The following PTPRG variants were observed in gnomAD, a reference collection of about 807,000 sequenced individuals.
The protein encoded by PTPRG is protein tyrosine phosphatase receptor type G.
Under a neutral mutation model 165.3 loss-of-function variants are expected in PTPRG, and 102 were observed. The ratio of observed to expected loss-of-function variants is 0.62; its 90% CI spans 0.53 to 0.73. The LOEUF is 0.73. Ranked by LOEUF, PTPRG falls within the 30% of genes least tolerant of loss-of-function variation. The pLI, the probability that PTPRG is intolerant of heterozygous loss-of-function variation, is 0.00. For synonymous variants in PTPRG, 675 were observed against 669.5 expected (o/e 1.01, Z -0.13); for missense variants, 1,866 against 1,861.4 (o/e 1.00, Z -0.05).
At chr3:62,124,945 C>T (rs940570304) in intron 5 of PTPRG, among the ~76,000 whole-genome samples, 4 of 152,096 alleles carry the variant, frequency 2.6e-5, no homozygotes, top group African/African-American at 9.7e-5. Context: ...AAGGTGATTA[C>T]ATAAGGGTCT....
At position 62,267,467 on chromosome 3, in the gene PTPRG, A is replaced by T; in HGVS notation, c.2714A>T (p.Asp905Val). Residue 905 changes from aspartate (D) to valine (V), a missense_variant, in exon 18 of 30, where the codon GAC becomes GTC. By Grantham distance (152) the Asp-to-Val change is radical (BLOSUM62 -3). This residue lies in a region of PTPRG where 1,452 missense variants were observed against 1,463.0 expected (regional missense o/e 0.99). Transcript: ENST00000474889. The stretch of plus-strand genomic sequence containing the variant: ...CCAGGAAAAGACTCTAAGCACAGCG[A>T]CTACATTAATGCAAACTATGTTGAT... Reference protein sequence around the residue: ...PLPGKDSKHSDYINANYVDGY... With the variant: ...PLPGKDSKHSVYINANYVDGY... The T allele has an allele frequency of 2.5e-6, 4 of 1,612,068 alleles. No individual in the cohort carries two copies. The highest frequency in any genetic ancestry group is 3.4e-6 in the Non-Finnish European group (4 of 1,178,358).
chr3:62,040,013 A>T (rs1444994876), intron 4 of PTPRG, among the ~76,000 whole-genome samples: 4 of 152,224 alleles, frequency 2.6e-5, no homozygotes, highest in African/African-American at 9.6e-5. Context: ...TTCAGTGTTA[A>T]GTATTTTTTA....
Position 61,624,217 on chromosome 3 carries a change from C to G in PTPRG, c.85+61845C>G, listed in dbSNP as rs554000602. ...GACTCTACCACTTAATAGCTGCGAACCGGAGCAAGCTTTTAACTTCCCTGG... is the reference window on the plus strand; with the variant it reads ...GACTCTACCACTTAATAGCTGCGAAGCGGAGCAAGCTTTTAACTTCCCTGG... On this transcript the variant is annotated intron_variant, in intron 1 of 29. Coordinates refer to ENST00000474889, the MANE Select transcript of PTPRG (RefSeq NM_002841.4). Among the ~76,000 whole-genome samples, 147 of 152,218 alleles carry G rather than the reference C, an allele frequency of 9.7e-4. 1 individual carries two copies. Among genetic ancestry groups the G allele is most frequent in the African/African-American group, 3.3e-3 (136 of 41,518 alleles).
intron 2 of PTPRG, among the ~76,000 whole-genome samples, chr3:61,986,153 A>ATATGATTGAATCATCATATTTAATAT (rs1559729639): frequency 2.0e-5 from 3 of 152,184 alleles, no homozygotes; most frequent in African/African-American, 7.2e-5. Flanking sequence ...ATCATATTAA[A>ATATGATTGAATCATCATATTTAATAT]GAGTGGAACT....
At chr3:62,056,821 G>C (rs78553063) in intron 4 of PTPRG, among the ~76,000 whole-genome samples, 2,474 of 152,272 alleles carry the variant, frequency 0.016, 54 homozygotes, top group African/African-American at 0.054. Context: ...CCTAGACTTT[G>C]TGTCTATTTA....
chr3:61,728,999 C>T (rs573482817), intron 1 of PTPRG, among the ~76,000 whole-genome samples: 4 of 151,884 alleles, frequency 2.6e-5, no homozygotes, highest in African/African-American at 9.7e-5. Context: ...GAGGTTGAGG[C>T]TGCAGTGGGC....
At chr3:61,916,818 G>T (rs760284874) in intron 2 of PTPRG, among the ~76,000 whole-genome samples, 1 of 152,146 alleles carries the variant, frequency 6.6e-6, no homozygotes, top group African/African-American at 2.4e-5. Flanking sequence ...AAGCAAACTG[G>T]TATATGGTGG....
intron 4 of PTPRG, among the ~76,000 whole-genome samples, chr3:62,050,114 C>A (rs9861290): frequency 0.52 from 78,914 of 151,948 alleles, 21,187 homozygotes; most frequent in Middle Eastern, 0.65. Flanking sequence ...ACAATACTGT[C>A]AATCCATTAT....
At chr3:61,565,484 C>CTG (rs1433883536) in intron 1 of PTPRG, among the ~76,000 whole-genome samples, 3 of 152,106 alleles carry the variant, frequency 2.0e-5, no homozygotes, top group Admixed American at 6.6e-5. Flanking sequence ...AAATCCTACA[C>CTG]ATAGTTCATT....
At chr3:62,169,747 A>G (rs1705146253) in intron 8 of PTPRG, among the ~76,000 whole-genome samples, 1 of 152,058 alleles carries the variant, frequency 6.6e-6, no homozygotes, top group African/African-American at 2.4e-5. Flanking sequence ...ATAAAGGGAG[A>G]GCTTGTGTCA....
intron 2 of PTPRG, among the ~76,000 whole-genome samples, chr3:61,849,757 G>A (rs1049153968): frequency 4.6e-5 from 7 of 152,142 alleles, no homozygotes; most frequent in African/African-American, 1.4e-4. Context: ...CAAATCCTGC[G>A]TATACCCATA....
intron 4 of PTPRG, among the ~76,000 whole-genome samples, chr3:62,054,706 G>A (rs1161406507): frequency 6.6e-6 from 1 of 152,148 alleles, no homozygotes; most frequent in Non-Finnish European, 1.5e-5. Context: ...GGAAATCTTT[G>A]TTTTTGTACC....
chr3:61,963,985 G>A (rs988832362), intron 2 of PTPRG, among the ~76,000 whole-genome samples: 8 of 152,186 alleles, frequency 5.3e-5, no homozygotes, highest in African/African-American at 7.2e-5. Flanking sequence ...TTAAGTGGAT[G>A]TAATTTAACA....
intron 5 of PTPRG, among the ~76,000 whole-genome samples, chr3:62,128,698 C>G (rs148405345): frequency 4.0e-5 from 6 of 149,494 alleles, no homozygotes; most frequent in Middle Eastern, 3.4e-3. Context: ...ACTCAGAATT[C>G]CATATTTTCC....
At chr3:61,582,621 AG>A (rs2106800599) in intron 1 of PTPRG, among the ~76,000 whole-genome samples, 1 of 152,336 alleles carries the variant, frequency 6.6e-6, no homozygotes, top group South Asian at 2.1e-4. Context: ...TGTGAAGGGA[AG>A]GATGACCAGG....
chr3:62,166,194 G>GTTT (rs1704969071), intron 7 of PTPRG, among the ~76,000 whole-genome samples: 1 of 19,348 alleles, frequency 5.2e-5, no homozygotes, highest in Non-Finnish European at 1.0e-4. Context: ...TCAAATTACA[G>GTTT]TTCTTTTTTT....
chr3:62,110,089 C>CTTTTTT (rs371457716), intron 5 of PTPRG, among the ~76,000 whole-genome samples: 64 of 79,960 alleles, frequency 8.0e-4, no homozygotes, highest in African/African-American at 9.4e-4. Context: ...GAAATAATGG[C>CTTTTTT]TTTTTTTTTT....
At chr3:62,099,798 T>C (rs1702227645) in intron 5 of PTPRG, among the ~76,000 whole-genome samples, 1 of 141,528 alleles carries the variant, frequency 7.1e-6, no homozygotes, top group Admixed American at 7.1e-5. Flanking sequence ...TAAATCTTTT[T>C]TTTTTTTTTT....
At chr3:62,276,153 C>T (rs1053175699) in intron 24 of PTPRG, among the ~76,000 whole-genome samples, 187 bp downstream of exon 24, 1 of 152,016 alleles carries the variant, frequency 6.6e-6, no homozygotes, top group Non-Finnish European at 1.5e-5. Context: ...CAGCCTCTTA[C>T]CTGGTACTAC....
Sources: gnomAD v4.1 joint callset for allele counts (sites outside exome capture counted in the v4.1 genomes callset) on GRCh38, gnomAD v4.1.1 for gene constraint, gnomAD v4.1.1 regional missense constraint, MANE v1.5 for transcripts, NCBI Gene and HGNC (gene_info 2026-07-23, HGNC 2026-07-21) for gene names.